The following NAV2 variants were observed in gnomAD, a reference collection of about 807,000 sequenced individuals.
NAV2 encodes neuron navigator 2.
NAV2 carries 54 observed loss-of-function variants against 223.2 expected under a neutral mutation model. The observed-to-expected ratio is 0.24, with a 90% CI of 0.19 to 0.30. The LOEUF is 0.30. Ranked by LOEUF, NAV2 falls within the 10% of genes least tolerant of loss-of-function variation. The pLI is 1.00. For synonymous variants in NAV2, 1,279 were observed against 1,239.3 expected (o/e 1.03, Z -0.67); for missense variants, 2,806 against 3,147.5 (o/e 0.89, Z 2.60).
intron 4 of NAV2, 44 bp from the exon 5 acceptor site, chr11:19,879,825 A>T (rs754898541): frequency 6.2e-7 from 1 of 1,612,734 alleles, no homozygotes; most frequent in Non-Finnish European, 8.5e-7. Flanking sequence ...TTGAACAGGA[A>T]GAAGAGCTCC....
chr11:19,840,577 A>C (rs1426538165), intron 2 of NAV2, among the ~76,000 whole-genome samples: 2 of 152,194 alleles, frequency 1.3e-5, no homozygotes, highest in Non-Finnish European at 2.9e-5. Flanking sequence ...GATTCTCAAA[A>C]GCTGCATATT....
chr11:19,913,436 A>G (rs2043491593), intron 6 of NAV2, among the ~76,000 whole-genome samples: 1 of 152,140 alleles, frequency 6.6e-6, no homozygotes, highest in Admixed American at 6.5e-5. Flanking sequence ...AGTTGGTCTT[A>G]TCTTCCTGTC....
upstream of NAV2, chr11:19,712,571 G>A: frequency 6.6e-6 from 1 of 152,354 alleles, no homozygotes; most frequent in Non-Finnish European, 1.5e-5. Flanking sequence ...CGTTCGAAAG[G>A]GCATTTTTCA....
At chr11:20,006,876 AG>A (rs1347291360) in intron 11 of NAV2, among the ~76,000 whole-genome samples, 1 of 152,148 alleles carries the variant, frequency 6.6e-6, no homozygotes, top group East Asian at 1.9e-4. Context: ...CAGAGGACCA[AG>A]GTACAAAAAT....
intron 1 of NAV2, among the ~76,000 whole-genome samples, chr11:19,582,383 G>A (rs1391731866): frequency 6.6e-6 from 1 of 152,124 alleles, no homozygotes; most frequent in Non-Finnish European, 1.5e-5. Context: ...GATCCCATTT[G>A]TCAATTTTGT....
chr11:19,418,777 G>C (rs1484132977), intron 1 of NAV2, among the ~76,000 whole-genome samples: 2 of 152,292 alleles, frequency 1.3e-5, no homozygotes, highest in South Asian at 2.1e-4. Context: ...GGCTTGTGGT[G>C]GTGGGGTGTT....
intron 11 of NAV2, among the ~76,000 whole-genome samples, chr11:20,020,482 C>T (rs1378705900): frequency 6.6e-6 from 1 of 152,226 alleles, no homozygotes; most frequent in African/African-American, 2.4e-5. Flanking sequence ...TCTCTCGTTG[C>T]CTGGGTCTCC....
At chr11:19,433,162 G>A (rs192179366) in intron 1 of NAV2, among the ~76,000 whole-genome samples, 11 of 152,300 alleles carry the variant, frequency 7.2e-5, no homozygotes, top group Non-Finnish European at 1.3e-4. Flanking sequence ...TCAATATGTA[G>A]AGATGGCACT....
intron 34 of NAV2, 99 bp from the exon 35 acceptor site, chr11:20,105,432 G>A: frequency 1.1e-6 from 1 of 935,748 alleles, no homozygotes; most frequent in Non-Finnish European, 1.7e-6. Flanking sequence ...TGTTGCATTA[G>A]CATATACACC....
intron 20 of NAV2, among the ~76,000 whole-genome samples, chr11:20,067,698 C>A (rs1238539814): frequency 1.3e-5 from 2 of 150,876 alleles, no homozygotes; most frequent in Non-Finnish European, 2.9e-5. Context: ...CCATGTTGGC[C>A]AGGCTGGTCT....
intron 10 of NAV2, among the ~76,000 whole-genome samples, chr11:19,970,171 G>GT (rs2049110347): frequency 6.6e-6 from 1 of 151,988 alleles, no homozygotes; most frequent in African/African-American, 2.4e-5. Flanking sequence ...AGTGAAAGCA[G>GT]TTTTTTGTTT....
intron 10 of NAV2, chr11:19,978,865 C>T (rs1366553929): frequency 6.6e-6 from 1 of 152,154 alleles, no homozygotes; most frequent in African/African-American, 2.4e-5. Flanking sequence ...CCTTTCGCCG[C>T]TTCTGAAGGT....
At chr11:20,046,029 T>C (rs780929432) in intron 14 of NAV2, among the ~76,000 whole-genome samples, 24 of 152,218 alleles carry the variant, frequency 1.6e-4, no homozygotes, top group Admixed American at 1.4e-3. Context: ...CTGGTCGTAG[T>C]ATGCACTCAA....
intron 1 of NAV2, among the ~76,000 whole-genome samples, chr11:19,453,712 G>A (rs979129850): frequency 2.6e-5 from 4 of 152,096 alleles, no homozygotes; most frequent in African/African-American, 9.7e-5. Flanking sequence ...GGCCCCCACA[G>A]CTCTCTCCTC....
intron 1 of NAV2, among the ~76,000 whole-genome samples, chr11:19,795,737 A>G (rs1258532473): frequency 6.6e-6 from 1 of 152,216 alleles, no homozygotes; most frequent in Non-Finnish European, 1.5e-5. Context: ...TTGCCTCCTC[A>G]TGTTGATTGG....
chr11:19,460,408 A>G (rs1465375925), intron 1 of NAV2, among the ~76,000 whole-genome samples: 1 of 152,128 alleles, frequency 6.6e-6, no homozygotes, highest in Non-Finnish European at 1.5e-5. Flanking sequence ...CACTTTACCT[A>G]ACAAATAAAG....
chr11:20,116,868 C>T (rs2249874), intron 37 of NAV2, among the ~76,000 whole-genome samples: 23,647 of 152,186 alleles, frequency 0.16, 2,414 homozygotes, highest in East Asian at 0.38. Context: ...ACTGAGACTT[C>T]CATGAAAACA....
rs570306371 is a variant in NAV2 at position 19,703,902 on chromosome 11, G to T, written c.76-128582G>T. 2.0e-5 allele frequency among the ~76,000 whole-genome samples: 3 copies of T among 152,156 alleles called. No individual in the cohort carries two copies. The South Asian group carries it at 6.2e-4, about 32-fold the overall frequency. ...CAGCCTTAGTTTGTGGATTTCCCAG[G>T]TGACTCTAATGTAAAGCCAAGGATG... On this transcript the variant is annotated intron_variant, in intron 1 of 37. Transcript: ENST00000360655.
chr11:20,003,405 C>T (rs1039748965), intron 11 of NAV2, among the ~76,000 whole-genome samples: 3 of 152,112 alleles, frequency 2.0e-5, no homozygotes, highest in Non-Finnish European at 2.9e-5. Context: ...GTCTTTTGTC[C>T]GGAATCACAC....
Sources: gnomAD v4.1 joint callset for allele counts (sites outside exome capture counted in the v4.1 genomes callset) on GRCh38, gnomAD v4.1.1 for gene constraint, MANE v1.5 for transcripts, NCBI Gene and HGNC (gene_info 2026-07-23, HGNC 2026-07-21) for gene names.